Variants in CNTNAP2 observed in about 807,000 individuals in gnomAD.
The protein encoded by CNTNAP2 is contactin associated protein 2.
In CNTNAP2, 98 loss-of-function variants were observed where a neutral mutation model predicts 155.2. The ratio of observed to expected loss-of-function variants is 0.63; its 90% CI spans 0.54 to 0.75. The LOEUF (loss-of-function observed/expected upper bound fraction) is 0.75. Among genes scored for constraint, CNTNAP2 ranks in the 30% least tolerant of loss-of-function variants. The probability of loss-of-function intolerance (pLI) is 0.00; values close to 1 mark genes in which losing one functional copy is unlikely to be tolerated. For missense variants in CNTNAP2, 1,727 were observed against 1,688.1 expected (o/e 1.02, Z -0.40); for synonymous variants, 651 against 631.2 (o/e 1.03, Z -0.47).
chr7:147,713,740 G>A (rs756105590), intron 13 of CNTNAP2, among the ~76,000 whole-genome samples: 13 of 152,090 alleles, frequency 8.5e-5, no homozygotes, highest in African/African-American at 2.4e-4. Flanking sequence ...GTGGTGTAGC[G>A]TTTTGTTTTT....
At chr7:148,269,362 C>A (rs1796733127) in intron 21 of CNTNAP2, among the ~76,000 whole-genome samples, 2 of 152,232 alleles carry the variant, frequency 1.3e-5, no homozygotes, top group African/African-American at 4.8e-5. Context: ...ACCCTGATGT[C>A]CTTATCTGAA....
intron 3 of CNTNAP2, among the ~76,000 whole-genome samples, chr7:147,014,362 T>C (rs764466731): frequency 2.6e-5 from 4 of 152,168 alleles, no homozygotes; most frequent in Non-Finnish European, 5.9e-5. Context: ...TGGTTTGTTC[T>C]ATGAGTGTGG....
At chr7:146,623,222 A>G (rs1799362611) in intron 1 of CNTNAP2, among the ~76,000 whole-genome samples, 2 of 152,058 alleles carry the variant, frequency 1.3e-5, no homozygotes, top group Non-Finnish European at 1.5e-5. Flanking sequence ...TTACATTTTC[A>G]TATGGTTAGA....
At chr7:148,321,308 C>A (rs933375308) in intron 21 of CNTNAP2, among the ~76,000 whole-genome samples, 3 of 151,954 alleles carry the variant, frequency 2.0e-5, no homozygotes, top group African/African-American at 2.4e-5. Flanking sequence ...CTAAATCCAG[C>A]ACAAAAAAAC....
intron 1 of CNTNAP2, among the ~76,000 whole-genome samples, chr7:146,257,323 T>C (rs1045424138): frequency 3.9e-5 from 6 of 152,202 alleles, no homozygotes; most frequent in African/African-American, 1.4e-4. Context: ...GGAAGAAAGA[T>C]GGCTACTTCT....
intron 4 of CNTNAP2, among the ~76,000 whole-genome samples, chr7:147,060,873 A>T (rs1435338404): frequency 6.9e-6 from 1 of 145,142 alleles, no homozygotes; most frequent in African/African-American, 2.6e-5. Context: ...CAAAAAAAAA[A>T]TAGAAAAAGA....
intron 1 of CNTNAP2, among the ~76,000 whole-genome samples, chr7:146,635,714 G>T (rs751742056): frequency 4.8e-4 from 73 of 152,180 alleles, no homozygotes; most frequent in Non-Finnish European, 8.4e-4. Context: ...GTGTTTGTTT[G>T]GTGAAGTGGA....
intron 1 of CNTNAP2, among the ~76,000 whole-genome samples, chr7:146,690,538 T>G (rs1800680758): frequency 6.6e-6 from 1 of 152,184 alleles, no homozygotes; most frequent in Non-Finnish European, 1.5e-5. Context: ...AAGATTTAAA[T>G]AAATGTTTTG....
chr7:147,931,441 A>G (rs1800502069), intron 14 of CNTNAP2, among the ~76,000 whole-genome samples: 1 of 152,202 alleles, frequency 6.6e-6, no homozygotes, highest in Admixed American at 6.5e-5. Flanking sequence ...AACTCATTTT[A>G]TAAGGCCAGC....
intron 15 of CNTNAP2, among the ~76,000 whole-genome samples, chr7:148,110,675 G>C (rs2214721): frequency 0.13 from 20,040 of 152,096 alleles, 1,780 homozygotes; most frequent in East Asian, 0.41. Flanking sequence ...CCAGGAACCG[G>C]AGGCAGGCAA....
intron 1 of CNTNAP2, among the ~76,000 whole-genome samples, chr7:146,137,536 A>G (rs1364631147): frequency 1.3e-5 from 2 of 152,138 alleles, no homozygotes; most frequent in African/African-American, 4.8e-5. Context: ...ACGCTGTACT[A>G]GCAAACTGTG....
intron 1 of CNTNAP2, among the ~76,000 whole-genome samples, chr7:146,741,841 C>T (rs1801722023): frequency 6.6e-6 from 1 of 151,912 alleles, no homozygotes; most frequent in African/African-American, 2.4e-5. Context: ...GAGATTGCAG[C>T]AGGAATGGAG....
chr7:146,526,477 G>A (rs1797693215), intron 1 of CNTNAP2, among the ~76,000 whole-genome samples: 1 of 152,130 alleles, frequency 6.6e-6, no homozygotes, highest in Non-Finnish European at 1.5e-5. Flanking sequence ...AAGAGTGAGA[G>A]TGAGGACGTG....
At chr7:146,399,658 T>C (rs1795686066) in intron 1 of CNTNAP2, among the ~76,000 whole-genome samples, 1 of 152,196 alleles carries the variant, frequency 6.6e-6, no homozygotes, top group African/African-American at 2.4e-5. Flanking sequence ...TTCAACATAC[T>C]GATGTCAGTT....
At chr7:146,555,984 G>C (rs1046715878) in intron 1 of CNTNAP2, among the ~76,000 whole-genome samples, 1 of 152,104 alleles carries the variant, frequency 6.6e-6, no homozygotes, top group African/African-American at 2.4e-5. Context: ...AAAGAGAGCA[G>C]GTTTCCACAC....
chr7:146,555,808 TA>T (rs1798190336), intron 1 of CNTNAP2, among the ~76,000 whole-genome samples: 2 of 152,170 alleles, frequency 1.3e-5, no homozygotes, highest in Admixed American at 1.3e-4. Context: ...CTCTGCCAAT[TA>T]ATATTGGGTG....
intron 1 of CNTNAP2, among the ~76,000 whole-genome samples, chr7:146,254,137 ACACACACAC>A (rs1799800731): frequency 7.3e-6 from 1 of 136,086 alleles, no homozygotes; most frequent in African/African-American, 3.6e-5. Flanking sequence ...TTGCACACAC[ACACACACAC>A]ACACACACAC....
Position 146,516,628 on chromosome 7 carries a change from G to C in CNTNAP2, c.98-257643G>C, listed in dbSNP as rs188559573. Among the ~76,000 whole-genome samples the C allele has an allele frequency of 4.1e-3, 616 of 151,920 alleles. 6 individuals are homozygous for C. The highest frequency in any genetic ancestry group is 0.014 in the African/African-American group (572 of 41,474). On this transcript the variant is annotated intron_variant, in intron 1 of 23. Coordinates refer to ENST00000361727, the MANE Select transcript of CNTNAP2 (RefSeq NM_014141.6). The stretch of plus-strand genomic sequence containing the variant: ...GTCTGTAATCTATACGACTATTAAA[G>C]CTAATATTTCTCTTGACTCTGCAAC...
At chr7:147,815,203 T>C (rs957525255) in intron 13 of CNTNAP2, among the ~76,000 whole-genome samples, 6 of 152,212 alleles carry the variant, frequency 3.9e-5, no homozygotes, top group Non-Finnish European at 8.8e-5. Flanking sequence ...AGCACAAGCT[T>C]AGTGACTTAA....
Sources: gnomAD v4.1 joint callset for allele counts (sites outside exome capture counted in the v4.1 genomes callset) on GRCh38, gnomAD v4.1.1 for gene constraint, MANE v1.5 for transcripts, NCBI Gene and HGNC (gene_info 2026-07-23, HGNC 2026-07-21) for gene names.